The following TDRD12 variants were observed in gnomAD, a reference collection of about 807,000 sequenced individuals.
TDRD12 encodes the protein putative ATP-dependent RNA helicase TDRD12.
TDRD12 carries 158 observed loss-of-function variants against 133.5 expected under a neutral mutation model. The ratio of observed to expected loss-of-function variants is 1.18; its 90% CI spans 1.04 to 1.35. TDRD12 has a LOEUF of 1.35. Ranked by LOEUF, TDRD12 falls within the 40% of genes most tolerant of loss-of-function variation. The pLI, the probability that TDRD12 is intolerant of heterozygous loss-of-function variation, is 0.00. For synonymous variants in TDRD12, 460 were observed against 477.9 expected (o/e 0.96, Z 0.49); for missense variants, 1,443 against 1,321.3 (o/e 1.09, Z -1.43).
At chr19:32,797,588 A>C (rs1023513285) in intron 14 of TDRD12, 147 bp from the exon 15 acceptor site, 2 of 502,388 alleles carry the variant, frequency 4.0e-6, no homozygotes, top group Non-Finnish European at 7.0e-6. Context: ...TAATGAAATT[A>C]TATCGTCACT....
intron 7 of TDRD12, 22 bp from the exon 8 acceptor site, chr19:32,757,016 T>A: frequency 6.5e-7 from 1 of 1,539,068 alleles, no homozygotes; most frequent in Non-Finnish European, 8.8e-7. Flanking sequence ...GCTTTAATTC[T>A]GAAATTTATT....
exon 8 of TDRD12, chr19:32,757,041 C>T: frequency 6.4e-7 from 1 of 1,551,146 alleles, no homozygotes; most frequent in Non-Finnish European, 8.7e-7. Flanking sequence ...CTATCAGATT[C>T]ACATGGTGTA....
intron 1 of TDRD12, among the ~76,000 whole-genome samples, chr19:32,724,974 G>A (rs1968812300): frequency 6.6e-6 from 1 of 152,130 alleles, no homozygotes. Flanking sequence ...CAGTGATGTT[G>A]AGCTTTTTTT....
rs895298709 is a variant in TDRD12 at position 32,780,141 on chromosome 19, C to T, written c.1121+2912C>T. On this transcript the variant is annotated intron_variant, in intron 11 of 27. Transcript: ENST00000444215. The stretch of plus-strand genomic sequence containing the variant: ...CTCTGTAGCCCAGGCTTGAGTGCAG[C>T]GGTACAATCTCGCCTTGCTGCAACC... Among the ~76,000 whole-genome samples the T allele has an allele frequency of 2.1e-5, 3 of 144,492 alleles. No homozygotes were observed. In the East Asian group the frequency reaches 6.1e-4, roughly 30 times the overall value. The allele number at this position is 144,492 out of a possible 152,430, so 94.8% of individuals were successfully genotyped here. A position where few individuals can be genotyped will look rare whatever the true frequency, so the allele number is the denominator to read the frequency against.
At chr19:32,824,825 G>A (rs544985965), downstream of TDRD12, among the ~76,000 whole-genome samples, 2 of 151,872 alleles carry the variant, frequency 1.3e-5, no homozygotes, top group Admixed American at 6.6e-5. Context: ...CAGAGGCCAT[G>A]GCGCTCCTGT....
intron 8 of TDRD12, among the ~76,000 whole-genome samples, chr19:32,764,432 C>G (rs1326936479): frequency 1.3e-5 from 2 of 152,036 alleles, no homozygotes; most frequent in African/African-American, 4.8e-5. Context: ...TTCATTGACT[C>G]CTTAAGTTGT....
chr19:32,730,048 C>A (rs1354995642), intron 1 of TDRD12, among the ~76,000 whole-genome samples: 1 of 152,042 alleles, frequency 6.6e-6, no homozygotes, highest in Non-Finnish European at 1.5e-5. Context: ...CCTCGGCCTC[C>A]CAAAGTGCTG....
intron 27 of TDRD12, among the ~76,000 whole-genome samples, chr19:32,819,484 G>A (rs1309570294): frequency 1.3e-5 from 2 of 152,110 alleles, no homozygotes; most frequent in Non-Finnish European, 2.9e-5. Flanking sequence ...AAATGAAGAT[G>A]TCATTAAACT....
intron 6 of TDRD12, among the ~76,000 whole-genome samples, chr19:32,754,669 CTTTTT>C (rs35714049): frequency 8.6e-5 from 6 of 70,074 alleles, no homozygotes; most frequent in South Asian, 6.1e-4. Context: ...ATGACTCTAT[CTTTTT>C]TTTTTTTTTT....
intron 1 of TDRD12, among the ~76,000 whole-genome samples, chr19:32,727,261 A>G (rs1330139627): frequency 6.6e-6 from 1 of 152,044 alleles, no homozygotes; most frequent in East Asian, 1.9e-4. Flanking sequence ...GGCCATTTGT[A>G]TATCTTCTTT....
chr19:32,777,304 CATTTT>C, intron 11 of TDRD12, 75 bp downstream of exon 11: 1 of 950,572 alleles, frequency 1.1e-6, no homozygotes, highest in East Asian at 2.8e-5. Flanking sequence ...GAAATCTACA[CATTTT>C]ATTATTAATT....
exon 3 of TDRD12, chr19:32,738,943 G>C: frequency 1.3e-6 from 2 of 1,551,092 alleles, no homozygotes; most frequent in South Asian, 2.4e-5. Context: ...GTACCTGGCA[G>C]AATGTTTCCT....
intron 22 of TDRD12, among the ~76,000 whole-genome samples, chr19:32,809,166 T>G (rs1966913046): frequency 1.3e-5 from 2 of 152,194 alleles, no homozygotes; most frequent in Admixed American, 1.3e-4. Flanking sequence ...TTTCTGAGAT[T>G]CCCTGGCCCT....
Position 32,784,691 on chromosome 19 carries a change from A to T in TDRD12, c.1122-5840A>T, listed in dbSNP as rs1970857724. On this transcript the variant is annotated intron_variant, in intron 11 of 27. Transcript: ENST00000444215. Reference sequence around the variant, plus strand: ...TGTTACTGGTCTATTCAGAGATTCGACTTCTTCCTGGTTTAGTCTTGGGAG... The same window carrying T: ...TGTTACTGGTCTATTCAGAGATTCGTCTTCTTCCTGGTTTAGTCTTGGGAG... 2.6e-5 allele frequency among the ~76,000 whole-genome samples: 4 copies of T among 152,094 alleles called. No homozygotes were observed. The South Asian group carries it at 6.2e-4, about 24-fold the overall frequency.
chr19:32,789,542 T>C (rs1971008017), intron 11 of TDRD12, among the ~76,000 whole-genome samples: 1 of 152,172 alleles, frequency 6.6e-6, no homozygotes, highest in Admixed American at 6.5e-5. Flanking sequence ...TTGGTGACGC[T>C]GGTTTCACTG....
chr19:32,780,208 C>A (rs1028020722), intron 11 of TDRD12, among the ~76,000 whole-genome samples: 1 of 151,906 alleles, frequency 6.6e-6, no homozygotes, highest in African/African-American at 2.4e-5. Context: ...CTCAGCCTCC[C>A]GAGTAGCTGG....
At chr19:32,720,714 A>C (rs1197832939) in intron 1 of TDRD12, among the ~76,000 whole-genome samples, 2 of 12,032 alleles carry the variant, frequency 1.7e-4, no homozygotes, top group African/African-American at 4.4e-4. Flanking sequence ...ATCCCCCCAC[A>C]CTCAGCCCCA....
chr19:32,818,643 G>A (rs893769319), intron 27 of TDRD12, among the ~76,000 whole-genome samples: 1 of 152,196 alleles, frequency 6.6e-6, no homozygotes, highest in Admixed American at 6.5e-5. Context: ...CAAGAGCACA[G>A]CCCTCGTGGC....
At chr19:32,804,895 C>CAA (rs961329883) in intron 21 of TDRD12, among the ~76,000 whole-genome samples, 1 of 138,164 alleles carries the variant, frequency 7.2e-6, no homozygotes, top group Non-Finnish European at 1.6e-5. Flanking sequence ...GATTCCATCT[C>CAA]AAAAAAAAAA....
Sources: gnomAD v4.1 joint callset for allele counts (sites outside exome capture counted in the v4.1 genomes callset) on GRCh38, gnomAD v4.1.1 for gene constraint, MANE v1.5 for transcripts, NCBI Gene and HGNC (gene_info 2026-07-23, HGNC 2026-07-21) for gene names.